FSD1L: variants seen among roughly 807,000 people sequenced by gnomAD.
FSD1L encodes FSD1-like protein.
Under a neutral mutation model 71.6 loss-of-function variants are expected in FSD1L, and 45 were observed. The observed-to-expected ratio is 0.63, with a 90% confidence interval of 0.49 to 0.81. The LOEUF is 0.81. Ranked by LOEUF, FSD1L falls within the 30% of genes least tolerant of loss-of-function variation. The pLI, the probability that FSD1L is intolerant of heterozygous loss-of-function variation, is 0.00. For missense variants in FSD1L, 561 were observed against 618.1 expected (o/e 0.91, Z 0.98); for synonymous variants, 197 against 207.2 (o/e 0.95, Z 0.42).
rs974559309 is a variant in FSD1L, at chr9:105,517,221, G to T, written c.1025+4285G>T. Among the ~76,000 whole-genome samples, 112 of 152,296 alleles carry T rather than the reference G, an allele frequency of 7.4e-4. 1 individual carries two copies. Among genetic ancestry groups the T allele is most frequent in the African/African-American group, 2.7e-3 (111 of 41,576 alleles). On this transcript the variant is annotated intron_variant, in intron 10 of 13. Coordinates refer to ENST00000481272, the MANE Select transcript of FSD1L (RefSeq NM_001145313.3). ...TTGATTGGTGTACCTGAAAGTGATG[G>T]GGAGAATGGAACCAAGTTGGAAACA...
chr9:105,530,980 A>G (rs1196592685), intron 10 of FSD1L: 3 of 161,784 alleles, frequency 1.9e-5, no homozygotes, highest in Non-Finnish European at 4.0e-5. Context: ...CAGCTACTCC[A>G]TAGCCAAGTT....
intron 7 of FSD1L, among the ~76,000 whole-genome samples, chr9:105,499,117 T>C (rs1833611969): frequency 6.6e-6 from 1 of 152,246 alleles, no homozygotes; most frequent in South Asian, 2.1e-4. Context: ...TCTGCCATTG[T>C]TGGTTGAAGT....
At chr9:105,452,397 G>A (rs1410309327) in intron 1 of FSD1L, among the ~76,000 whole-genome samples, 1 of 152,188 alleles carries the variant, frequency 6.6e-6, no homozygotes, top group East Asian at 1.9e-4. Context: ...GGAAAATGAA[G>A]CCCAGAGAGG....
intron 7 of FSD1L, among the ~76,000 whole-genome samples, chr9:105,499,917 T>C (rs533132357): frequency 4.6e-5 from 7 of 152,314 alleles, no homozygotes; most frequent in African/African-American, 9.6e-5. Context: ...CAGGTTTCTA[T>C]TGAGAGATCT....
Position 105,540,498 on chromosome 9 carries a change from G to A in FSD1L, c.1467+1147G>A, listed in dbSNP as rs993128649. ...TAAGAAATCAGTATGCACCCCCAAG[G>A]TCATGAAAATATTCTTCTAAAAGCT... On this transcript the variant is annotated intron_variant, in intron 13 of 13. Transcript: ENST00000481272. Among the ~76,000 whole-genome samples, 3 of 152,048 alleles carry A rather than the reference G, an allele frequency of 2.0e-5. No individual in the cohort carries two copies. In the South Asian group the frequency reaches 6.2e-4, roughly 32 times the overall value.
chr9:105,462,520 A>AATT (rs1554698796), intron 2 of FSD1L, among the ~76,000 whole-genome samples: 1 of 104,244 alleles, frequency 9.6e-6, no homozygotes. Context: ...TGTGACTGAC[A>AATT]TTTTTTTTTT....
rs1837156254 is a variant in FSD1L, at chr9:105,548,979, CAAAAT to C, written c.*2499_*2503del. Reference sequence around the variant, plus strand: ...ATCAAATATAGTGCCTATTTAGTCTCAAAATAAGGTAACTATTAACTTGATTATAC... The same window carrying C: ...ATCAAATATAGTGCCTATTTAGTCTCAAGGTAACTATTAACTTGATTATAC... On this transcript the variant is annotated 3_prime_UTR_variant, in exon 14 of 14. Transcript: ENST00000481272. The C allele has an allele frequency of 6.6e-6, 1 of 151,970 alleles. No homozygotes were observed. Among genetic ancestry groups the C allele is most frequent in the African/African-American group, 2.4e-5 (1 of 41,406 alleles). The allele number at this position is 151,970 out of a possible 1,614,324, so 9.4% of individuals were successfully genotyped here.
At chr9:105,491,051 T>C (rs962644455) in intron 7 of FSD1L, among the ~76,000 whole-genome samples, 4 of 152,122 alleles carry the variant, frequency 2.6e-5, no homozygotes, top group Non-Finnish European at 4.4e-5. Flanking sequence ...AGAAAGTCAT[T>C]GGTAGCTTGA....
intron 10 of FSD1L, chr9:105,523,847 A>T: frequency 6.3e-7 from 1 of 1,597,228 alleles, no homozygotes. Flanking sequence ...GCTCACCTCA[A>T]TTTTTTTCAC....
At chr9:105,450,533 T>C (rs1459689049) in intron 1 of FSD1L, among the ~76,000 whole-genome samples, 2 of 145,882 alleles carry the variant, frequency 1.4e-5, no homozygotes, top group East Asian at 3.9e-4. Flanking sequence ...AGGATTGTGT[T>C]CTTTTTTTTT....
upstream of FSD1L, chr9:105,448,030 C>T (rs1035854205): frequency 6.4e-6 from 4 of 628,748 alleles, no homozygotes; most frequent in Admixed American, 2.9e-5. Flanking sequence ...TTCTGCGGGC[C>T]GCCCTTTCAC....
At chr9:105,515,529 A>G (rs1368622566) in intron 10 of FSD1L, among the ~76,000 whole-genome samples, 1 of 152,076 alleles carries the variant, frequency 6.6e-6, no homozygotes, top group African/African-American at 2.4e-5. Flanking sequence ...CAGCCCATGG[A>G]GGGCGAGCTG....
intron 1 of FSD1L, among the ~76,000 whole-genome samples, chr9:105,455,091 C>T (rs774941013): frequency 9.2e-5 from 14 of 152,076 alleles, no homozygotes; most frequent in African/African-American, 1.7e-4. Flanking sequence ...TTCTTGATTC[C>T]GCTCTTTATC....
At chr9:105,542,111 A>G (rs1836662366) in intron 13 of FSD1L, among the ~76,000 whole-genome samples, 1 of 152,224 alleles carries the variant, frequency 6.6e-6, no homozygotes, top group African/African-American at 2.4e-5. Context: ...CCTTGGGTAA[A>G]TACCTAAGAG....
chr9:105,472,269 A>C, intron 5 of FSD1L: 2 of 360,982 alleles, frequency 5.5e-6, no homozygotes, highest in Non-Finnish European at 9.9e-6. Context: ...TCATCACTTT[A>C]TGCACATGAG....
chr9:105,519,752 T>C (rs144165888), intron 10 of FSD1L, among the ~76,000 whole-genome samples: 2 of 150,490 alleles, frequency 1.3e-5, no homozygotes, highest in South Asian at 2.1e-4. Flanking sequence ...AGGGAGAGAG[T>C]TGTGCTGCTG....
intron 1 of FSD1L, among the ~76,000 whole-genome samples, chr9:105,453,416 A>G (rs1191440057): frequency 6.6e-6 from 1 of 151,980 alleles, no homozygotes; most frequent in Non-Finnish European, 1.5e-5. Flanking sequence ...CTCCTGCCTG[A>G]CCTCAGATGA....
rs1225563009 is a variant in FSD1L, at chr9:105,546,467, A to G, written c.1577A>G (p.Asn526Ser). 5 of 1,548,050 alleles carry G rather than the reference A, an allele frequency of 3.2e-6. No individual in the cohort carries two copies. Among genetic ancestry groups the G allele is most frequent in the Non-Finnish European group, 4.4e-6 (5 of 1,145,452 alleles). The change falls in exon 14 of 14, where the codon AAT becomes AGT. Residue 526 changes from asparagine to serine, a missense_variant. By Grantham distance (46) the Asn-to-Ser change is conservative. Coordinates refer to ENST00000481272, the MANE Select transcript of FSD1L (RefSeq NM_001145313.3). Reference sequence around the variant, plus strand: ...ACTGGTTCAGCTAGCAGCCTGAACAATGTTGTTACTCAATAGTGTCTACTC... The same window carrying G: ...ACTGGTTCAGCTAGCAGCCTGAACAGTGTTGTTACTCAATAGTGTCTACTC... Reference protein sequence around the residue: ...GMTGSASSLNNVVTQ With the variant: ...GMTGSASSLNSVVTQ
At chr9:105,502,266 T>C (rs906490524) in intron 7 of FSD1L, among the ~76,000 whole-genome samples, 3 of 152,250 alleles carry the variant, frequency 2.0e-5, no homozygotes, top group African/African-American at 7.2e-5. Flanking sequence ...AGGATTAATA[T>C]GGAAAGCACT....
Sources: gnomAD v4.1 joint callset for allele counts (sites outside exome capture counted in the v4.1 genomes callset) on GRCh38, gnomAD v4.1.1 for gene constraint, MANE v1.5 for transcripts, NCBI Gene and HGNC (gene_info 2026-07-23, HGNC 2026-07-21) for gene names.